The following SDK1 variants were observed in gnomAD, a reference collection of about 807,000 sequenced individuals.
The protein encoded by SDK1 is protein sidekick-1.
In SDK1, 157 loss-of-function variants were observed where a neutral mutation model predicts 245.5. The ratio of observed to expected loss-of-function variants is 0.64; its 90% CI spans 0.56 to 0.73. The LOEUF is 0.73. Ranked by LOEUF, SDK1 falls within the 30% of genes least tolerant of loss-of-function variation. SDK1 has a pLI of 0.00. For synonymous variants in SDK1, 1,647 were observed against 1,278.5 expected (o/e 1.29, Z -6.15); for missense variants, 3,583 against 3,002.3 (o/e 1.19, Z -4.52).
intron 4 of SDK1, among the ~76,000 whole-genome samples, chr7:3,672,759 T>TATATATAAATATATATA (rs1554307103): frequency 2.0e-5 from 1 of 50,756 alleles, no homozygotes; most frequent in Non-Finnish European, 3.5e-5. Flanking sequence ...ATATATAATT[T>TATATATAAATATATATA]TATATATATA....
chr7:3,720,238 A>G (rs1382004365), intron 4 of SDK1, among the ~76,000 whole-genome samples: 1 of 152,202 alleles, frequency 6.6e-6, no homozygotes, highest in Admixed American at 6.5e-5. Flanking sequence ...CCTGGGCGAC[A>G]GAGCGAGACT....
chr7:3,410,792 G>A (rs1779180656), intron 1 of SDK1, among the ~76,000 whole-genome samples: 1 of 151,796 alleles, frequency 6.6e-6, no homozygotes, highest in African/African-American at 2.4e-5. Flanking sequence ...TCACCATTTT[G>A]GCCATGCTGG....
intron 35 of SDK1, among the ~76,000 whole-genome samples, chr7:4,200,810 G>A (rs1030547213): frequency 6.6e-6 from 1 of 152,232 alleles, no homozygotes; most frequent in Non-Finnish European, 1.5e-5. Flanking sequence ...AGATTCTCAG[G>A]GCATAAGTAA....
chr7:3,641,885 G>A, intron 3 of SDK1, 73 bp from the exon 4 acceptor site: 2 of 1,263,118 alleles, frequency 1.6e-6, no homozygotes. Context: ...ACACTTACCT[G>A]TTTCCATCTG....
intron 1 of SDK1, among the ~76,000 whole-genome samples, chr7:3,357,517 A>T (rs565794747): frequency 1.4e-5 from 2 of 143,562 alleles, no homozygotes; most frequent in Admixed American, 7.0e-5. Flanking sequence ...ACCTGGCTTA[A>T]TTTTTTTTTT....
At chr7:3,323,338 T>C (rs1002346675) in intron 1 of SDK1, among the ~76,000 whole-genome samples, 9 of 152,246 alleles carry the variant, frequency 5.9e-5, no homozygotes, top group South Asian at 4.1e-4. Flanking sequence ...TGTATAATTC[T>C]TTTTTCTTTA....
At chr7:3,718,782 A>G (rs746393659) in intron 4 of SDK1, among the ~76,000 whole-genome samples, 17 of 152,016 alleles carry the variant, frequency 1.1e-4, no homozygotes, top group Non-Finnish European at 2.5e-4. Flanking sequence ...CCTAACCAGT[A>G]CAATAAGGTA....
chr7:4,105,585 G>A (rs978858754), intron 22 of SDK1, among the ~76,000 whole-genome samples: 2 of 152,152 alleles, frequency 1.3e-5, no homozygotes, highest in African/African-American at 2.4e-5. Context: ...GATTACAGGC[G>A]TGAGCCACCA....
intron 22 of SDK1, among the ~76,000 whole-genome samples, chr7:4,106,559 GT>G (rs1782924785): frequency 6.6e-6 from 1 of 152,138 alleles, no homozygotes; most frequent in Admixed American, 6.5e-5. Flanking sequence ...ACCTCCCAAA[GT>G]GCTGGGATTA....
intron 2 of SDK1, among the ~76,000 whole-genome samples, chr7:3,624,002 T>C (rs935179387): frequency 6.6e-6 from 1 of 152,166 alleles, no homozygotes; most frequent in Non-Finnish European, 1.5e-5. Context: ...CATTTCACAG[T>C]ATCAATAAAA....
chr7:3,740,739 T>G (rs919733698), intron 4 of SDK1, among the ~76,000 whole-genome samples: 10 of 152,232 alleles, frequency 6.6e-5, no homozygotes, highest in African/African-American at 2.4e-4. Flanking sequence ...AAGATTCGTC[T>G]GTTTTTCTTG....
chr7:4,060,432 A>G (rs546509197), intron 19 of SDK1, among the ~76,000 whole-genome samples: 1 of 152,246 alleles, frequency 6.6e-6, no homozygotes, highest in Non-Finnish European at 1.5e-5. Flanking sequence ...GGCTGCATAA[A>G]TGTCTTCTTT....
At chr7:3,401,473 C>CA (rs1554266126) in intron 1 of SDK1, among the ~76,000 whole-genome samples, 7 of 152,088 alleles carry the variant, frequency 4.6e-5, no homozygotes. Context: ...TGGTACTTGC[C>CA]AAACTATTCC....
At chr7:3,391,876 G>C (rs1781765963) in intron 1 of SDK1, among the ~76,000 whole-genome samples, 1 of 151,614 alleles carries the variant, frequency 6.6e-6, no homozygotes, top group African/African-American at 2.4e-5. Flanking sequence ...CAATGCACCT[G>C]CGTTGCCCTC....
chr7:3,485,076 C>T (rs1781641260), intron 1 of SDK1, among the ~76,000 whole-genome samples: 1 of 152,160 alleles, frequency 6.6e-6, no homozygotes, highest in Non-Finnish European at 1.5e-5. Context: ...GAGGACCCTC[C>T]ATACTGTTTT....
At chr7:3,341,723 A>G (rs544058973) in intron 1 of SDK1, among the ~76,000 whole-genome samples, 2 of 152,356 alleles carry the variant, frequency 1.3e-5, no homozygotes, top group South Asian at 2.1e-4. Flanking sequence ...AAAAGATACA[A>G]ACTTCAACAT....
intron 1 of SDK1, among the ~76,000 whole-genome samples, chr7:3,604,828 C>T (rs1346173813): frequency 6.6e-6 from 1 of 151,790 alleles, no homozygotes; most frequent in Non-Finnish European, 1.5e-5. Flanking sequence ...TCTTGAACTC[C>T]CAACTTCTGG....
chr7:3,347,512 C>T (rs1780541595), intron 1 of SDK1, among the ~76,000 whole-genome samples: 1 of 152,146 alleles, frequency 6.6e-6, no homozygotes, highest in African/African-American at 2.4e-5. Context: ...CCATTGGGCT[C>T]AAATGTGCCG....
At chr7:3,765,451 TC>T (rs1195787861) in intron 4 of SDK1, among the ~76,000 whole-genome samples, 3 of 152,210 alleles carry the variant, frequency 2.0e-5, no homozygotes, top group Non-Finnish European at 2.9e-5. Context: ...ATGTCTGACT[TC>T]CTTGGCTCAA....
Sources: allele counts gnomAD v4.1 joint callset (sites outside exome capture counted in the v4.1 genomes callset), GRCh38; gene constraint gnomAD v4.1.1; transcripts MANE v1.5; gene names NCBI Gene and HGNC (gene_info 2026-07-23, HGNC 2026-07-21).